Variants in KIF6 observed in about 807,000 individuals in gnomAD.
KIF6 encodes the protein kinesin-like protein KIF6.
Under a neutral mutation model 112.7 loss-of-function variants are expected in KIF6, and 106 were observed. That is an observed-to-expected ratio of 0.94 (90% CI 0.80 to 1.11). The LOEUF (loss-of-function observed/expected upper bound fraction) is 1.11. Among genes scored for constraint, KIF6 ranks in the 50% least tolerant of loss-of-function variants. The probability of loss-of-function intolerance (pLI) is 0.00; values close to 1 mark genes in which losing one functional copy is unlikely to be tolerated. For missense variants in KIF6, 929 were observed against 964.0 expected (o/e 0.96, Z 0.48); for synonymous variants, 339 against 339.9 (o/e 1.00, Z 0.03).
At chr6:39,698,181 T>C (rs1379733530) in intron 3 of KIF6, among the ~76,000 whole-genome samples, 1 of 152,212 alleles carries the variant, frequency 6.6e-6, no homozygotes, top group Non-Finnish European at 1.5e-5. Flanking sequence ...ATTATTCTTG[T>C]GGCTTCCTTG....
chr6:39,526,724 A>G (rs1488828689), intron 13 of KIF6, among the ~76,000 whole-genome samples: 1 of 152,240 alleles, frequency 6.6e-6, no homozygotes, highest in African/African-American at 2.4e-5. Context: ...ATAAACCTTG[A>G]TAACTGTTTG....
At chr6:39,639,138 T>C (rs16892341) in intron 4 of KIF6, among the ~76,000 whole-genome samples, 2,846 of 152,228 alleles carry the variant, frequency 0.019, 83 homozygotes, top group African/African-American at 0.064. Flanking sequence ...ATAATCTAGA[T>C]AGATAACCCT....
At chr6:39,417,065 C>T (rs1385537477) in intron 15 of KIF6, among the ~76,000 whole-genome samples, 1 of 152,168 alleles carries the variant, frequency 6.6e-6, no homozygotes, top group East Asian at 1.9e-4. Flanking sequence ...CATTTGATTT[C>T]ATTTCTCCCT....
intron 6 of KIF6, among the ~76,000 whole-genome samples, chr6:39,609,709 A>C (rs543079566): frequency 6.6e-6 from 1 of 152,318 alleles, no homozygotes; most frequent in Non-Finnish European, 1.5e-5. Flanking sequence ...AGAATTTTCA[A>C]ATGTTGTGGT....
chr6:39,655,705 A>T (rs990622161), intron 3 of KIF6, among the ~76,000 whole-genome samples: 1 of 152,194 alleles, frequency 6.6e-6, no homozygotes, highest in Admixed American at 6.5e-5. Flanking sequence ...TGCCACTTAT[A>T]TCATTAACTA....
intron 8 of KIF6, among the ~76,000 whole-genome samples, 162 bp downstream of exon 8, chr6:39,586,099 C>T (rs112238834): frequency 1.5e-3 from 232 of 152,310 alleles, no homozygotes; most frequent in African/African-American, 5.4e-3. Flanking sequence ...AAATAGCCCA[C>T]AGCTATAACA....
intron 3 of KIF6, among the ~76,000 whole-genome samples, chr6:39,674,604 A>C (rs1316993187): frequency 6.6e-6 from 1 of 152,018 alleles, no homozygotes; most frequent in East Asian, 1.9e-4. Flanking sequence ...TGTGAACTGA[A>C]ATATACAAAC....
At chr6:39,461,473 A>C (rs1773470311) in intron 13 of KIF6, among the ~76,000 whole-genome samples, 1 of 152,150 alleles carries the variant, frequency 6.6e-6, no homozygotes. Flanking sequence ...TTTTCTAGTA[A>C]TTTTTACTAG....
chr6:39,526,698 T>C (rs988327991), intron 13 of KIF6, among the ~76,000 whole-genome samples: 1 of 152,234 alleles, frequency 6.6e-6, no homozygotes, highest in African/African-American at 2.4e-5. Context: ...TGCATTTCTC[T>C]GATGTAGCAC....
At chr6:39,608,529 C>A (rs2150710754) in intron 6 of KIF6, among the ~76,000 whole-genome samples, 1 of 152,226 alleles carries the variant, frequency 6.6e-6, no homozygotes, top group South Asian at 2.1e-4. Context: ...CACTTTCGCA[C>A]CATTTAAAGC....
At chr6:39,414,943 C>G (rs1769795416) in intron 15 of KIF6, among the ~76,000 whole-genome samples, 1 of 149,978 alleles carries the variant, frequency 6.7e-6, no homozygotes, top group Non-Finnish European at 1.5e-5. Flanking sequence ...AATCCCAACA[C>G]TTTGGGAGGC....
At chr6:39,501,635 T>C (rs995788518) in intron 13 of KIF6, among the ~76,000 whole-genome samples, 1 of 152,134 alleles carries the variant, frequency 6.6e-6, no homozygotes, top group African/African-American at 2.4e-5. Context: ...GAGAGGAGCA[T>C]AACCGACCTG....
At chr6:39,644,175 A>G (rs796312102) in intron 3 of KIF6, among the ~76,000 whole-genome samples, 4 of 151,934 alleles carry the variant, frequency 2.6e-5, no homozygotes, top group African/African-American at 9.7e-5. Flanking sequence ...AAAAAAAGAG[A>G]CAATGAGAAG....
chr6:39,520,548 G>A (rs1452289069), intron 13 of KIF6, among the ~76,000 whole-genome samples: 1 of 152,198 alleles, frequency 6.6e-6, no homozygotes, highest in Non-Finnish European at 1.5e-5. Context: ...CAGATTCACC[G>A]AAGCACAGCT....
intron 12 of KIF6, 98 bp from the exon 13 acceptor site, chr6:39,540,319 T>C: frequency 2.5e-6 from 2 of 792,106 alleles, no homozygotes; most frequent in Non-Finnish European, 4.0e-6. Flanking sequence ...ATTTGCTATT[T>C]ATCATGTGGT....
chr6:39,507,997 C>T (rs1776539663), intron 13 of KIF6, among the ~76,000 whole-genome samples: 1 of 130,158 alleles, frequency 7.7e-6, no homozygotes, highest in South Asian at 3.0e-4. Context: ...CCTCACAACC[C>T]CATATCCCTC....
chr6:39,519,907 A>C (rs1215667548), intron 13 of KIF6, among the ~76,000 whole-genome samples: 1 of 152,162 alleles, frequency 6.6e-6, no homozygotes, highest in African/African-American at 2.4e-5. Flanking sequence ...CTGTAGTCCC[A>C]GCTACTCCGG....
chr6:39,697,541 C>CTTTTTTTTTTTTTTTTTTTTT (rs35838361), intron 3 of KIF6, among the ~76,000 whole-genome samples: 1 of 131,478 alleles, frequency 7.6e-6, no homozygotes, highest in Non-Finnish European at 1.7e-5. Flanking sequence ...TTTATCCTTT[C>CTTTTTTTTTTTTTTTTTTTTT]TTTTTTTTTT....
chr6:39,451,265 A>C (rs1249007082), intron 13 of KIF6, among the ~76,000 whole-genome samples: 1 of 152,248 alleles, frequency 6.6e-6, no homozygotes, highest in Non-Finnish European at 1.5e-5. Flanking sequence ...AAATAAGCAC[A>C]TGCTATTAAT....
Sources: gnomAD v4.1 joint callset for allele counts (sites outside exome capture counted in the v4.1 genomes callset) on GRCh38, gnomAD v4.1.1 for gene constraint, MANE v1.5 for transcripts, NCBI Gene and HGNC (gene_info 2026-07-23, HGNC 2026-07-21) for gene names.